TYR: variants seen among roughly 807,000 people sequenced by gnomAD.
TYR encodes the protein LB24-AB.
Under a neutral mutation model 51.5 loss-of-function variants are expected in TYR, and 58 were observed. That is an observed-to-expected ratio of 1.13 (90% CI 0.91 to 1.40). The LOEUF (loss-of-function observed/expected upper bound fraction) is 1.40, where lower values mean the gene tolerates loss of function less well. TYR is among the 40% of genes most tolerant of loss of function. The pLI is 0.00. For synonymous variants in TYR, 263 were observed against 235.2 expected, an observed-to-expected ratio of 1.12 and a Z score of -1.08; for missense variants, 732 against 647.4, an observed-to-expected ratio of 1.13 and a Z score of -1.42.
Position 89,270,156 on chromosome 11 carries a change from T to C in TYR, c.1185-14617T>C, listed in dbSNP as rs576763467. Among the ~76,000 whole-genome samples, 5 of 152,000 alleles carry C rather than the reference T, an allele frequency of 3.3e-5. No homozygotes were observed. In the South Asian group the frequency reaches 1.0e-3, roughly 31 times the overall value. On this transcript the variant is annotated intron_variant, in intron 3 of 4. Transcript: ENST00000263321. ...CATATACCTACAGATATCCACATAA[T>C]ATCCTTCCTTTCAATCCATCTGATC...
Position 89,284,839 on chromosome 11 carries a change from C to A in TYR, c.1251C>A (p.Pro417=). ...LQEVYPEANA[P]IGHNRESYMV... is the part of the protein sequence containing the mutation. ...AAGTTTATCCAGAAGCCAATGCACC[C>A]ATTGGACATAACCGGGAATCCTACA... Residue 417 remains proline (P), a synonymous_variant, in exon 4 of 5, where the codon CCC becomes CCA. Transcript: ENST00000263321. The A allele has an allele frequency of 6.2e-7, 1 of 1,612,032 alleles. No homozygotes were observed. The highest frequency in any genetic ancestry group is 1.1e-5 in the South Asian group (1 of 91,034).
Position 89,295,561 on chromosome 11 carries a change from C to CT in TYR, c.*199dup. 1.5e-6 allele frequency: 1 copy of CT among 663,572 alleles called. No homozygotes were observed. The highest frequency in any genetic ancestry group is 2.6e-6 in the Non-Finnish European group (1 of 391,866). 41.1% of individuals were successfully genotyped at this position (663,572 alleles called of 1,614,324 possible). A position where few individuals can be genotyped will look rare whatever the true frequency, so the allele number is the denominator to read the frequency against. The stretch of plus-strand genomic sequence containing the variant: ...TTTGTCTTGCTGTTTTCACTCAGCC[C>CT]TTTTAACATTTTCCCCTAAGCCCAT... On this transcript the variant is annotated 3_prime_UTR_variant, in exon 5 of 5. Transcript: ENST00000263321.
At chr11:89,202,719 C>G (rs1943614731) in intron 2 of TYR, among the ~76,000 whole-genome samples, 1 of 151,342 alleles carries the variant, frequency 6.6e-6, no homozygotes, top group Non-Finnish European at 1.5e-5. Context: ...ATCAGGCATA[C>G]AGGGCAGCTC....
intron 1 of TYR, among the ~76,000 whole-genome samples, chr11:89,179,821 A>G (rs1214451764): frequency 6.6e-6 from 1 of 152,222 alleles, no homozygotes; most frequent in East Asian, 1.9e-4. Flanking sequence ...AACCAAAGAA[A>G]TATGTGCTTA....
At chr11:89,290,824 A>G (rs552605750) in intron 4 of TYR, among the ~76,000 whole-genome samples, 1 of 152,164 alleles carries the variant, frequency 6.6e-6, no homozygotes, top group South Asian at 2.1e-4. Context: ...GCTATGTCAA[A>G]AAGTAAATTT....
At chr11:89,233,154 C>A (rs1336135397) in intron 3 of TYR, among the ~76,000 whole-genome samples, 2 of 143,432 alleles carry the variant, frequency 1.4e-5, no homozygotes, top group Non-Finnish European at 3.0e-5. Context: ...TACTTTGTTA[C>A]AATATCAAAA....
chr11:89,280,043 C>A (rs1034711419), intron 3 of TYR, among the ~76,000 whole-genome samples: 1 of 151,526 alleles, frequency 6.6e-6, no homozygotes, highest in African/African-American at 2.4e-5. Context: ...CAAACTCTTC[C>A]AGCTTTAGCC....
intron 3 of TYR, among the ~76,000 whole-genome samples, chr11:89,269,387 T>G (rs1280670797): frequency 6.6e-6 from 1 of 151,960 alleles, no homozygotes; most frequent in Admixed American, 6.6e-5. Flanking sequence ...AATTTCTGCC[T>G]AATGCAGTGT....
chr11:89,179,724 T>G (rs1372777399), intron 1 of TYR, among the ~76,000 whole-genome samples: 1 of 152,214 alleles, frequency 6.6e-6, no homozygotes, highest in African/African-American at 2.4e-5. Flanking sequence ...TTGAAAACTT[T>G]AGATAAAATA....
rs1943252250 is a variant in TYR at position 89,178,267 on chromosome 11, T to G, written c.314T>G (p.Phe105Cys). The change falls in exon 1 of 5, where the codon TTT (phenylalanine) becomes TGT (cysteine). Residue 105 changes from phenylalanine to cysteine, a missense_variant. Coordinates refer to ENST00000263321, the MANE Select transcript of TYR (RefSeq NM_000372.5). ...FMGFNCGNCK[F>C]GFWGPNCTER... Reference sequence around the variant, plus strand: ...GGATTCAACTGTGGAAACTGCAAGTTTGGCTTTTGGGGACCAAACTGCACA... The same window carrying G: ...GGATTCAACTGTGGAAACTGCAAGTGTGGCTTTTGGGGACCAAACTGCACA... 1.2e-6 allele frequency: 2 copies of G among 1,614,160 alleles called. No homozygotes were observed. The highest frequency in any genetic ancestry group is 4.5e-5 in the East Asian group (2 of 44,864).
At chr11:89,207,314 A>G (rs924315039) in intron 2 of TYR, among the ~76,000 whole-genome samples, 4 of 152,172 alleles carry the variant, frequency 2.6e-5, no homozygotes, top group Non-Finnish European at 4.4e-5. Flanking sequence ...CAGACATCAA[A>G]AGGGTAATAA....
chr11:89,218,167 C>T (rs549850344), intron 2 of TYR, among the ~76,000 whole-genome samples: 5 of 152,178 alleles, frequency 3.3e-5, no homozygotes, highest in South Asian at 4.2e-4. Flanking sequence ...TCAAAGCCAT[C>T]GTCAATCTTA....
chr11:89,240,797 G>A (rs544328601), intron 3 of TYR, among the ~76,000 whole-genome samples: 1 of 152,258 alleles, frequency 6.6e-6, no homozygotes, highest in African/African-American at 2.4e-5. Flanking sequence ...TTTAGTTACA[G>A]CTTAATCATG....
At chr11:89,288,156 C>T (rs1383098171) in intron 4 of TYR, among the ~76,000 whole-genome samples, 2 of 151,826 alleles carry the variant, frequency 1.3e-5, no homozygotes, top group African/African-American at 2.4e-5. Flanking sequence ...AACTCAAAAG[C>T]GGTGTCTGGC....
chr11:89,178,801 A>G (rs1271488489), intron 1 of TYR, 29 bp downstream of exon 1: 1 of 1,609,792 alleles, frequency 6.2e-7, no homozygotes, highest in Non-Finnish European at 8.5e-7. Flanking sequence ...ACGATGTCAG[A>G]GTAGGGAGGA....
intron 2 of TYR, 79 bp downstream of exon 2, chr11:89,191,497 T>C (rs1591143220): frequency 4.0e-5 from 57 of 1,422,594 alleles, no homozygotes; most frequent in Non-Finnish European, 5.2e-5. Context: ...TAGGAGGTAT[T>C]TGAGAATTCA....
chr11:89,180,430 T>C (rs938416453), intron 1 of TYR, among the ~76,000 whole-genome samples: 1 of 152,188 alleles, frequency 6.6e-6, no homozygotes, highest in Non-Finnish European at 1.5e-5. Context: ...TTACATGAGA[T>C]GTGTAATACC....
In TYR at chr11:89,227,988, T is replaced by G. The variant is rs948618949; in HGVS notation, c.1184+18T>G. ...GTTGACAGGTTGGTTAATATTTCTTTATAAATAACGTGCTCATTGGATTTA... is the reference window on the plus strand; with the variant it reads ...GTTGACAGGTTGGTTAATATTTCTTGATAAATAACGTGCTCATTGGATTTA... On this transcript the variant is annotated intron_variant, in intron 3 of 4. Coordinates refer to ENST00000263321, the MANE Select transcript of TYR (RefSeq NM_000372.5). 2.5e-6 allele frequency: 4 copies of G among 1,612,674 alleles called. No homozygotes were observed. Among genetic ancestry groups the G allele is most frequent in the Non-Finnish European group, 8.5e-7 (1 of 1,179,376 alleles).
chr11:89,180,037 C>G (rs936931239), intron 1 of TYR, among the ~76,000 whole-genome samples: 2 of 152,070 alleles, frequency 1.3e-5, no homozygotes, highest in African/African-American at 4.8e-5. Context: ...AGTTTGTACC[C>G]CATCCCAATG....
Sources: allele counts gnomAD v4.1 joint callset (sites outside exome capture counted in the v4.1 genomes callset), GRCh38; gene constraint gnomAD v4.1.1; transcripts MANE v1.5; gene names NCBI Gene and HGNC (gene_info 2026-07-23, HGNC 2026-07-21).